Variants in TXNRD2 observed in about 807,000 individuals in gnomAD.
The protein encoded by TXNRD2 is thioredoxin reductase 2, mitochondrial.
In TXNRD2, 67 loss-of-function variants were observed where a neutral mutation model predicts 70.8. That is an observed-to-expected ratio of 0.95 (90% CI 0.78 to 1.16). TXNRD2 has a LOEUF of 1.16. Among genes scored for constraint, TXNRD2 ranks in the 50% most tolerant of loss-of-function variants. The probability of loss-of-function intolerance (pLI) is 0.00; values close to 1 mark genes in which losing one functional copy is unlikely to be tolerated. For missense variants in TXNRD2, 644 were observed against 719.9 expected, an observed-to-expected ratio of 0.89 and a Z score of 1.21; for synonymous variants, 301 against 295.8, an observed-to-expected ratio of 1.02 and a Z score of -0.18.
At chr22:19,932,271 G>C in intron 1 of TXNRD2, 1 of 1,610,624 alleles carries the variant, frequency 6.2e-7, no homozygotes, top group Admixed American at 1.7e-5. Context: ...AGCTAGGAGG[G>C]AAGCCACCCT....
intron 11 of TXNRD2, among the ~76,000 whole-genome samples, chr22:19,890,222 G>A (rs1939206341): frequency 6.6e-6 from 1 of 152,136 alleles, no homozygotes; most frequent in Non-Finnish European, 1.5e-5. Flanking sequence ...GGTGTGGAGG[G>A]GAAGGCCGCA....
At chr22:19,921,398 G>A (rs745627970) in intron 2 of TXNRD2, among the ~76,000 whole-genome samples, 85 of 139,860 alleles carry the variant, frequency 6.1e-4, no homozygotes, top group Non-Finnish European at 1.0e-3. Flanking sequence ...CTAGGTGACA[G>A]AGCAAGACCC....
Position 19,878,449 on chromosome 22 carries a change from A to G in TXNRD2, c.1276-12T>C, listed in dbSNP as rs1324249332. On this transcript the variant is annotated splice_polypyrimidine_tract_variant and intron_variant, in intron 14 of 17. Transcript: ENST00000400521. ...TGGGCGTGATAGACCTGAGGACAGGATACCAACCCTGGATCAGTGCTGCGA... is the reference window on the plus strand; with the variant it reads ...TGGGCGTGATAGACCTGAGGACAGGGTACCAACCCTGGATCAGTGCTGCGA... 3 of 1,613,170 alleles carry G rather than the reference A, an allele frequency of 1.9e-6. No homozygotes were observed. Among genetic ancestry groups the G allele is most frequent in the East Asian group, 2.2e-5 (1 of 44,886 alleles).
chr22:19,886,293 C>A (rs1939030995), intron 11 of TXNRD2, among the ~76,000 whole-genome samples: 1 of 152,230 alleles, frequency 6.6e-6, no homozygotes, highest in Admixed American at 6.5e-5. Flanking sequence ...CGTGGCCAGC[C>A]CTGATGGCAG....
rs1307337237 is a variant in TXNRD2 at position 19,875,535 on chromosome 22, C to G, written c.*338G>C. On this transcript the variant is annotated 3_prime_UTR_variant, in exon 18 of 18. Transcript: ENST00000400521. ...GGCAGAGCACACTTCAGAAAAAGTA[C>G]CCTCTTTATTTGCATTGCAGAAATG... is the stretch of plus-strand genomic sequence containing the variant. 6.6e-6 allele frequency: 1 copy of G among 152,396 alleles called. No individual in the cohort carries two copies. Among genetic ancestry groups the G allele is most frequent in the African/African-American group, 2.4e-5 (1 of 41,578 alleles). 9.4% of individuals were successfully genotyped at this position (152,396 alleles called of 1,614,324 possible).
chr22:19,925,633 T>C (rs1428566755), intron 2 of TXNRD2, among the ~76,000 whole-genome samples: 1 of 151,924 alleles, frequency 6.6e-6, no homozygotes, highest in Non-Finnish European at 1.5e-5. Context: ...TGTATGCTTT[T>C]TTAAGGGTAG....
At position 19,883,416 on chromosome 22, in the gene TXNRD2, AC is replaced by A. The variant is rs1391423897; in HGVS notation, c.994del (p.Val332Ter). The A allele has an allele frequency of 2.5e-6, 4 of 1,613,926 alleles. No individual in the cohort carries two copies. In the South Asian group the frequency reaches 4.4e-5, roughly 18 times the overall value. On this transcript the variant is annotated frameshift_variant, in exon 12 of 18. Coordinates refer to ENST00000400521, the MANE Select transcript of TXNRD2 (RefSeq NM_006440.5). LOFTEE classifies it high-confidence loss of function. ...TRSLNLEKAG[V>X]DTSPDTQKIL... ...CTTCTGAGTGTCGGGGCTAGTATCT[AC>A]CCCAGCCTTCTCCAAATTCAGACTT...
intron 5 of TXNRD2, among the ~76,000 whole-genome samples, chr22:19,917,427 A>G (rs1940686989): frequency 6.6e-6 from 1 of 152,180 alleles, no homozygotes; most frequent in Admixed American, 6.5e-5. Flanking sequence ...TAGTGAGCAC[A>G]AAACTGCTGC....
chr22:19,932,010 A>C (rs371122914), intron 1 of TXNRD2, among the ~76,000 whole-genome samples: 257 of 151,720 alleles, frequency 1.7e-3, no homozygotes, highest in African/African-American at 6.1e-3. Context: ...AATACAAAAA[A>C]ATTAGCCGGG....
chr22:19,895,049 T>G, intron 11 of TXNRD2: 1 of 1,575,800 alleles, frequency 6.3e-7, no homozygotes, highest in Non-Finnish European at 8.6e-7. Context: ...TGCTGAAACC[T>G]TAATAAGCAA....
At chr22:19,918,612 C>G (rs972919683) in intron 4 of TXNRD2, among the ~76,000 whole-genome samples, 2 of 152,164 alleles carry the variant, frequency 1.3e-5, no homozygotes, top group African/African-American at 4.8e-5. Flanking sequence ...CTTGGTGGGG[C>G]TGTGCTGTGC....
intron 1 of TXNRD2, among the ~76,000 whole-genome samples, 197 bp from the exon 2 acceptor site, chr22:19,931,295 C>T (rs1443393957): frequency 6.6e-6 from 1 of 152,172 alleles, no homozygotes; most frequent in Non-Finnish European, 1.5e-5. Flanking sequence ...TGAGGTTGGC[C>T]GTGGGCGTGT....
intron 2 of TXNRD2, among the ~76,000 whole-genome samples, chr22:19,922,833 C>T (rs1274162849): frequency 1.3e-5 from 2 of 152,222 alleles, no homozygotes; most frequent in South Asian, 2.1e-4. Context: ...ATTACAGGTG[C>T]GCACCACCAT....
At chr22:19,892,656 G>A (rs1478667399) in intron 11 of TXNRD2, among the ~76,000 whole-genome samples, 2 of 152,182 alleles carry the variant, frequency 1.3e-5, no homozygotes, top group African/African-American at 2.4e-5. Flanking sequence ...GTCGAGGGCT[G>A]CCCCTCGGTT....
chr22:19,891,100 G>C (rs1171912272), intron 11 of TXNRD2, among the ~76,000 whole-genome samples: 1 of 152,230 alleles, frequency 6.6e-6, no homozygotes, highest in Non-Finnish European at 1.5e-5. Context: ...TTCAGGCTCT[G>C]ATGCTGGTTT....
At position 19,909,971 on chromosome 22, in the gene TXNRD2, C is replaced by CCATTCA. The variant is rs1555911730; in HGVS notation, c.662+1405_662+1406insTGAATG. ...CACACACACACCACTCACACACACA[C>CCATTCA]CACACACACCATTCACACACACACA... On this transcript the variant is annotated intron_variant, in intron 8 of 17. Coordinates refer to ENST00000400521, the MANE Select transcript of TXNRD2 (RefSeq NM_006440.5). 1.2e-3 allele frequency among the ~76,000 whole-genome samples: 140 copies of CCATTCA among 121,652 alleles called. 2 individuals carry two copies. Among genetic ancestry groups the CCATTCA allele is most frequent in the African/African-American group, 4.2e-3 (135 of 31,922 alleles). 79.8% of individuals were successfully genotyped at this position (121,652 alleles called of 152,430 possible). A position where few individuals can be genotyped will look rare whatever the true frequency, so the allele number is the denominator to read the frequency against.
chr22:19,880,658 G>A lies in TXNRD2; in HGVS notation c.1146C>T (p.Leu382=), dbSNP rs1172256804. 5.6e-6 allele frequency: 9 copies of A among 1,613,424 alleles called. No homozygotes were observed. Among genetic ancestry groups the A allele is most frequent in the Non-Finnish European group, 6.8e-6 (8 of 1,180,000 alleles). Residue 382 remains leucine (L), a synonymous_variant, in exon 13 of 18, where the codon CTC becomes CTT. Coordinates refer to ENST00000400521, the MANE Select transcript of TXNRD2 (RefSeq NM_006440.5). ...IMAGRLLVQR[L]FGGSSDLMDY... ...CCATCAGATCTGAGGACCCGCCGAAGAGCCGCTGCACCAGGAGCCTCCCGG... is the reference window on the plus strand; with the variant it reads ...CCATCAGATCTGAGGACCCGCCGAAAAGCCGCTGCACCAGGAGCCTCCCGG...
chr22:19,935,572 C>T (rs1569116256), intron 1 of TXNRD2, among the ~76,000 whole-genome samples: 1 of 152,132 alleles, frequency 6.6e-6, no homozygotes, highest in African/African-American at 2.4e-5. Flanking sequence ...GGCACAACCC[C>T]TCCCCTTTTA....
intron 12 of TXNRD2, 95 bp from the exon 13 acceptor site, chr22:19,880,812 C>T: frequency 2.4e-6 from 2 of 837,722 alleles, no homozygotes; most frequent in Non-Finnish European, 1.9e-6. Context: ...TGGGCATCTC[C>T]CTTTAGAAAA....
Sources: gnomAD v4.1 joint callset for allele counts (sites outside exome capture counted in the v4.1 genomes callset) on GRCh38, gnomAD v4.1.1 for gene constraint, MANE v1.5 for transcripts, NCBI Gene and HGNC (gene_info 2026-07-23, HGNC 2026-07-21) for gene names.